The following RBFOX1 variants were observed in gnomAD, a reference collection of about 807,000 sequenced individuals.
RBFOX1 encodes RNA binding fox-1 homolog 1.
A neutral mutation model predicts 57.7 loss-of-function variants in RBFOX1; 8 were observed. That is an observed-to-expected ratio of 0.14 (90% confidence interval 0.08 to 0.25). The LOEUF (loss-of-function observed/expected upper bound fraction) is 0.25. Among genes scored for constraint, RBFOX1 ranks in the 10% least tolerant of loss-of-function variants. The probability of loss-of-function intolerance (pLI) is 1.00; values close to 1 mark genes in which losing one functional copy is unlikely to be tolerated. For missense variants in RBFOX1, 611 were observed against 548.5 expected (o/e 1.11, Z -1.14); for synonymous variants, 326 against 222.4 (o/e 1.47, Z -4.15).
At chr16:7,452,507 C>T (rs980820583) in intron 4 of RBFOX1, among the ~76,000 whole-genome samples, 1 of 152,182 alleles carries the variant, frequency 6.6e-6, no homozygotes, top group Admixed American at 6.5e-5. Flanking sequence ...TCTCTCTTAT[C>T]AGTAACACAG....
At position 7,271,311 on chromosome 16, in the gene RBFOX1, A is replaced by G. The variant is rs183728029; in HGVS notation, c.27+219213A>G. Among the ~76,000 whole-genome samples the G allele has an allele frequency of 2.1e-4, 31 of 150,960 alleles. 1 individual carries two copies. In the East Asian group the frequency reaches 3.0e-3, roughly 14 times the overall value. On this transcript the variant is annotated intron_variant, in intron 4 of 15. Coordinates refer to ENST00000550418, the MANE Select transcript of RBFOX1 (RefSeq NM_018723.4). ...CAGGCATCTTCCTAGCTGCAAAAAG[A>G]CGGGCCTGGGTTGCAACAACTGGAT...
chr16:6,818,961 C>A (rs919434824), intron 3 of RBFOX1, among the ~76,000 whole-genome samples: 27 of 150,198 alleles, frequency 1.8e-4, no homozygotes, highest in Admixed American at 6.8e-5. Context: ...GCCACCTCTC[C>A]ATGGGTTGAA....
chr16:5,470,782 A>G (rs571911132), intron 2 of RBFOX1, among the ~76,000 whole-genome samples: 1 of 152,006 alleles, frequency 6.6e-6, no homozygotes, highest in Non-Finnish European at 1.5e-5. Context: ...GAACCCTCCC[A>G]TTGCATCTAG....
chr16:7,249,436 A>G (rs930890772), intron 4 of RBFOX1, among the ~76,000 whole-genome samples: 35 of 152,298 alleles, frequency 2.3e-4, no homozygotes, highest in African/African-American at 7.7e-4. Flanking sequence ...GGAGCTTTAT[A>G]CCAATTTTAC....
In RBFOX1 at chr16:6,767,838, C is replaced by T. The variant is rs540273373; in HGVS notation, c.-16+113188C>T. Among the ~76,000 whole-genome samples, 15 of 151,376 alleles carry T rather than the reference C, an allele frequency of 9.9e-5. 1 individual carries two copies. In the East Asian group the frequency reaches 1.8e-3, roughly 18 times the overall value. On this transcript the variant is annotated intron_variant, in intron 3 of 15. Transcript: ENST00000550418. ...CTCAGGCAGGAGAATCGCTTGAACC[C>T]GGGAGGTGGAGGTTGCAGTGAGCCG...
chr16:7,332,696 A>T (rs915056823), intron 4 of RBFOX1: 5 of 966,740 alleles, frequency 5.2e-6, no homozygotes, highest in Non-Finnish European at 6.7e-6. Context: ...CTGAGAACTA[A>T]ATTAATGAAG....
intron 4 of RBFOX1, chr16:7,304,499 C>G: frequency 1.0e-6 from 1 of 985,340 alleles, no homozygotes; most frequent in East Asian, 1.1e-4. Context: ...AGGCGCGCGT[C>G]TGCCCTCGGT....
At chr16:5,263,668 G>T (rs2062789872) in intron 1 of RBFOX1, among the ~76,000 whole-genome samples, 1 of 152,136 alleles carries the variant, frequency 6.6e-6, no homozygotes, top group Non-Finnish European at 1.5e-5. Context: ...CTCCTTATGA[G>T]ATGGGAAAGG....
At chr16:5,368,895 T>C (rs2065791477) in intron 1 of RBFOX1, among the ~76,000 whole-genome samples, 1 of 152,214 alleles carries the variant, frequency 6.6e-6, no homozygotes, top group Admixed American at 6.5e-5. Context: ...TTATGTGATA[T>C]GAGTTAGGTT....
intron 2 of RBFOX1, among the ~76,000 whole-genome samples, chr16:6,604,191 A>G (rs926553165): frequency 6.6e-6 from 1 of 151,920 alleles, no homozygotes; most frequent in African/African-American, 2.4e-5. Flanking sequence ...CAACCCAGCA[A>G]TTCCTACTGG....
At chr16:7,131,836 C>A (rs573650191) in intron 4 of RBFOX1, among the ~76,000 whole-genome samples, 1 of 152,100 alleles carries the variant, frequency 6.6e-6, no homozygotes, top group African/African-American at 2.4e-5. Context: ...TTCCCTACAT[C>A]TAAACATCCA....
intron 2 of RBFOX1, among the ~76,000 whole-genome samples, chr16:5,475,373 A>T (rs1332383187): frequency 6.6e-6 from 1 of 152,164 alleles, no homozygotes; most frequent in Non-Finnish European, 1.5e-5. Flanking sequence ...GGCTGCTGTA[A>T]CCCTTGTTTC....
chr16:7,190,446 A>C (rs1026394318), intron 4 of RBFOX1, among the ~76,000 whole-genome samples: 1 of 152,074 alleles, frequency 6.6e-6, no homozygotes, highest in African/African-American at 2.4e-5. Flanking sequence ...GATGCTTCCA[A>C]CTCTTCCACA....
chr16:5,813,163 G>A (rs1249230906), intron 3 of RBFOX1, among the ~76,000 whole-genome samples: 4 of 151,868 alleles, frequency 2.6e-5, no homozygotes, highest in Middle Eastern at 3.2e-3. Flanking sequence ...GCATGCCACC[G>A]CACCTGGCTG....
At chr16:5,767,937 C>T (rs559219909) in intron 3 of RBFOX1, among the ~76,000 whole-genome samples, 1 of 147,516 alleles carries the variant, frequency 6.8e-6, no homozygotes, top group African/African-American at 2.6e-5. Context: ...ATTACTTTCT[C>T]TCTGCAGACA....
intron 2 of RBFOX1, among the ~76,000 whole-genome samples, chr16:6,569,929 G>C (rs999612179): frequency 2.6e-5 from 4 of 152,092 alleles, no homozygotes; most frequent in African/African-American, 7.2e-5. Flanking sequence ...CAATTCACTT[G>C]TCCTCAATAA....
chr16:6,861,978 C>A (rs1603633628), intron 3 of RBFOX1, among the ~76,000 whole-genome samples: 2 of 151,874 alleles, frequency 1.3e-5, no homozygotes, highest in Admixed American at 1.3e-4. Context: ...AGGCTTGAAT[C>A]AAAGAAAAGC....
chr16:7,385,669 A>G (rs982646124), intron 4 of RBFOX1, among the ~76,000 whole-genome samples: 4 of 152,170 alleles, frequency 2.6e-5, no homozygotes, highest in African/African-American at 9.7e-5. Context: ...TGATTTCTAC[A>G]CAGGGATGCA....
intron 1 of RBFOX1, among the ~76,000 whole-genome samples, chr16:6,197,811 C>T (rs1266949635): frequency 1.3e-5 from 2 of 152,072 alleles, no homozygotes; most frequent in Non-Finnish European, 2.9e-5. Flanking sequence ...CCATCCTCCA[C>T]CCTCAAGTAG....
Sources: allele counts gnomAD v4.1 joint callset (sites outside exome capture counted in the v4.1 genomes callset), GRCh38; gene constraint gnomAD v4.1.1; transcripts MANE v1.5; gene names NCBI Gene and HGNC (gene_info 2026-07-23, HGNC 2026-07-21).